Variants in ANK2 observed in about 807,000 individuals in gnomAD.
The protein encoded by ANK2 is ankyrin-2.
In ANK2, 83 loss-of-function variants were observed where a neutral mutation model predicts 360.5. The observed-to-expected ratio is 0.23, with a 90% confidence interval of 0.19 to 0.28. ANK2 has a LOEUF of 0.28. ANK2 is among the 10% of genes least tolerant of loss of function. The probability of loss-of-function intolerance (pLI) is 1.00; values close to 1 mark genes in which losing one functional copy is unlikely to be tolerated. For synonymous variants in ANK2, 1,740 were observed against 1,759.5 expected (o/e 0.99, Z 0.28); for missense variants, 4,201 against 4,795.7 (o/e 0.88, Z 3.66).
chr4:112,908,868 T>C (rs560660175), intron 2 of ANK2, among the ~76,000 whole-genome samples: 1 of 152,354 alleles, frequency 6.6e-6, no homozygotes, highest in East Asian at 1.9e-4. Context: ...TGTAGAGCCC[T>C]GAACCACACA....
intron 2 of ANK2, among the ~76,000 whole-genome samples, chr4:113,181,190 G>C (rs1162503454): frequency 2.6e-5 from 4 of 152,164 alleles, no homozygotes; most frequent in Non-Finnish European, 5.9e-5. Flanking sequence ...TTTTAAAAAT[G>C]CTGGGAGTAG....
At position 113,264,989 on chromosome 4, in the gene ANK2, A is replaced by T; in HGVS notation, c.1479A>T (p.Arg493Ser). ...LLRNGALVDA[R>S]AREEQTPLHI... ...GAAATGGTGCCCTTGTTGATGCCAG[A>T]GCCAGGGTAGGTACTGGTGCCCTGA... Residue 493 changes from arginine (R) to serine (S), a missense_variant, in exon 14 of 46, where the codon AGA becomes AGT. Physicochemically the swap from Arg to Ser is moderately radical, Grantham distance 110. Transcript: ENST00000357077. The T allele has an allele frequency of 6.4e-7, 1 of 1,560,214 alleles. No homozygotes were observed. Among genetic ancestry groups the T allele is most frequent in the Non-Finnish European group, 8.7e-7 (1 of 1,151,024 alleles).
At chr4:112,875,779 C>T (rs1051734096) in intron 1 of ANK2, among the ~76,000 whole-genome samples, 4 of 151,956 alleles carry the variant, frequency 2.6e-5, no homozygotes, top group Admixed American at 2.6e-4. Context: ...TCACTCTTCC[C>T]TCAGGCTGGA....
chr4:113,307,966 G>C (rs2078061659), intron 23 of ANK2, among the ~76,000 whole-genome samples: 1 of 152,118 alleles, frequency 6.6e-6, no homozygotes, highest in African/African-American at 2.4e-5. Context: ...GAGTAAATAG[G>C]TAACAATCGG....
At chr4:113,289,043 G>A (rs2066187647) in intron 20 of ANK2, among the ~76,000 whole-genome samples, 4 of 152,246 alleles carry the variant, frequency 2.6e-5, no homozygotes, top group African/African-American at 7.2e-5. Flanking sequence ...AGCAAAGCAA[G>A]GTTGGAACAT....
At chr4:112,897,485 C>T (rs1177757726) in intron 1 of ANK2, among the ~76,000 whole-genome samples, 1 of 152,084 alleles carries the variant, frequency 6.6e-6, no homozygotes, top group Non-Finnish European at 1.5e-5. Flanking sequence ...TTATTTTTTA[C>T]ATTTCATAAG....
chr4:113,370,331 A>C (rs926744539), intron 43 of ANK2, among the ~76,000 whole-genome samples: 1 of 152,010 alleles, frequency 6.6e-6, no homozygotes. Context: ...TTATTTTAGG[A>C]ATGACTGAGA....
intron 2 of ANK2, among the ~76,000 whole-genome samples, chr4:113,190,985 T>C (rs1436294402): frequency 4.6e-5 from 7 of 152,342 alleles, no homozygotes; most frequent in African/African-American, 1.7e-4. Context: ...TTTACCTATG[T>C]AATCTTATAA....
chr4:112,765,049 C>T, the ANK2 span, among the ~76,000 whole-genome samples: 1 of 152,172 alleles, frequency 6.6e-6, no homozygotes, highest in Non-Finnish European at 1.5e-5. Context: ...TTAACTCAAT[C>T]TTCTCAACAA....
chr4:113,176,601 ATATT>A (rs1189433303), intron 2 of ANK2, among the ~76,000 whole-genome samples: 4 of 151,842 alleles, frequency 2.6e-5, no homozygotes, highest in East Asian at 1.9e-4. Flanking sequence ...TGAATATGAA[ATATT>A]TATTTATTTA....
chr4:113,332,932 C>A, intron 28 of ANK2, 122 bp from the exon 29 acceptor site: 1 of 1,427,828 alleles, frequency 7.0e-7, no homozygotes, highest in Non-Finnish European at 9.8e-7. Flanking sequence ...CAGGGGATGG[C>A]CCACTATGTC....
chr4:113,292,353 TA>T, intron 20 of ANK2, 62 bp from the exon 21 acceptor site: 1 of 1,393,958 alleles, frequency 7.2e-7, no homozygotes, highest in Non-Finnish European at 1.0e-6. Flanking sequence ...AAATGAAGGC[TA>T]ACCTAATTTT....
At chr4:112,968,836 C>A (rs2038350057) in intron 2 of ANK2, among the ~76,000 whole-genome samples, 1 of 152,174 alleles carries the variant, frequency 6.6e-6, no homozygotes, top group African/African-American at 2.4e-5. Context: ...CATTTCTCTA[C>A]TTATACTGAT....
intron 1 of ANK2, among the ~76,000 whole-genome samples, chr4:112,821,309 T>A (rs964183598): frequency 4.6e-5 from 7 of 151,718 alleles, no homozygotes; most frequent in African/African-American, 1.2e-4. Context: ...TTAGCTTCCC[T>A]AGTAGCTGGG....
the ANK2 span, among the ~76,000 whole-genome samples, chr4:112,724,428 T>C: frequency 6.6e-6 from 1 of 152,124 alleles, no homozygotes; most frequent in South Asian, 2.1e-4. Context: ...ATGCCTAATA[T>C]GTGTTAGGCA....
In ANK2 at chr4:113,380,099, G is replaced by A. The variant is rs1373695902; in HGVS notation, c.11860-1358G>A. 2.0e-5 allele frequency among the ~76,000 whole-genome samples: 3 copies of A among 151,916 alleles called. 1 individual carries two copies. The East Asian group carries it at 5.8e-4, about 29-fold the overall frequency. ...TCTCGGAGATTCAATTTCTTTATTT[G>A]TTATACTAGTGTCTGGCCCATACAA... is the stretch of plus-strand genomic sequence containing the variant. On this transcript the variant is annotated intron_variant, in intron 45 of 45. Coordinates refer to ENST00000357077, the MANE Select transcript of ANK2 (RefSeq NM_001148.6).
the ANK2 span, among the ~76,000 whole-genome samples, chr4:112,725,982 T>C: frequency 1.3e-5 from 2 of 152,266 alleles, no homozygotes; most frequent in South Asian, 2.1e-4. Context: ...ATAAAACAAG[T>C]AGGTGCACAG....
chr4:113,343,748 T>C (rs2094530403), intron 34 of ANK2, among the ~76,000 whole-genome samples: 2 of 152,182 alleles, frequency 1.3e-5, no homozygotes, highest in Admixed American at 1.3e-4. Context: ...GGACCACATA[T>C]GAAGGAATAA....
chr4:113,104,629 C>T (rs959156337), intron 1 of ANK2, among the ~76,000 whole-genome samples: 1 of 152,108 alleles, frequency 6.6e-6, no homozygotes, highest in African/African-American at 2.4e-5. Context: ...GCACGAGAAT[C>T]GCTTGAACCC....
Sources: allele counts gnomAD v4.1 joint callset (sites outside exome capture counted in the v4.1 genomes callset), GRCh38; gene constraint gnomAD v4.1.1; transcripts MANE v1.5; gene names NCBI Gene and HGNC (gene_info 2026-07-23, HGNC 2026-07-21).